The following OVCH2 variants were observed in gnomAD, a reference collection of about 807,000 sequenced individuals.
The protein encoded by OVCH2 is ovochymase-2.
Under a neutral mutation model 73.7 loss-of-function variants are expected in OVCH2, and 88 were observed. That is an observed-to-expected ratio of 1.19 (90% CI 1.01 to 1.43). OVCH2 has a LOEUF of 1.43. Among genes scored for constraint, OVCH2 ranks in the 40% most tolerant of loss-of-function variants. OVCH2 has a pLI of 0.00. For missense variants in OVCH2, 706 were observed against 674.5 expected, an observed-to-expected ratio of 1.05 and a Z score of -0.52; for synonymous variants, 265 against 234.5, an observed-to-expected ratio of 1.13 and a Z score of -1.19.
At chr11:7,685,548 G>T (rs1856132846), downstream of OVCH2, among the ~76,000 whole-genome samples, 1 of 150,686 alleles carries the variant, frequency 6.6e-6, no homozygotes, top group South Asian at 2.1e-4. Context: ...TTTTCCTTAG[G>T]TTGTCTTCCA....
chr11:7,700,690 C>G (rs956814041), intron 6 of OVCH2, among the ~76,000 whole-genome samples: 3 of 152,220 alleles, frequency 2.0e-5, no homozygotes, highest in African/African-American at 7.2e-5. Flanking sequence ...TCCCACCTCC[C>G]TTTTCCTCAT....
rs374617194 is a variant in OVCH2 at position 7,696,594 on chromosome 11, A to G, written c.1017-5T>C. 3 of 1,614,010 alleles carry G rather than the reference A, an allele frequency of 1.9e-6. No individual in the cohort carries two copies. The highest frequency in any genetic ancestry group is 2.5e-6 in the Non-Finnish European group (3 of 1,179,888). The stretch of plus-strand genomic sequence containing the variant: ...AGCAGGGTCCAGACACACCGTCTGT[A>G]GGCAGATCATGGAGAGGGCGTTATT... On this transcript the variant is annotated splice_region_variant and splice_polypyrimidine_tract_variant and intron_variant, in intron 9 of 15. Coordinates refer to ENST00000533663, the MANE Select transcript of OVCH2 (RefSeq NM_198185.7).
Position 7,701,700 on chromosome 11 carries a change from G to A in OVCH2, c.559+16C>T. ...TTCTGACCTCTGCTTAAGAGGAATG[G>A]CACACAAGTTCTTACCTTCAGTTAA... On this transcript the variant is annotated intron_variant, in intron 5 of 15. Coordinates refer to ENST00000533663, the MANE Select transcript of OVCH2 (RefSeq NM_198185.7). 1 of 1,603,442 alleles carries A rather than the reference G, an allele frequency of 6.2e-7. No homozygotes were observed. Among genetic ancestry groups the A allele is most frequent in the South Asian group, 1.1e-5 (1 of 89,290 alleles).
At chr11:7,690,180 G>A (rs1192309474) in intron 14 of OVCH2, among the ~76,000 whole-genome samples, 167 bp from the exon 15 acceptor site, 2 of 152,176 alleles carry the variant, frequency 1.3e-5, no homozygotes, top group Non-Finnish European at 2.9e-5. Context: ...CTATAACCTG[G>A]CTTTGCCATC....
chr11:7,680,539 G>C, the OVCH2 span, among the ~76,000 whole-genome samples: 1 of 152,158 alleles, frequency 6.6e-6, no homozygotes. Context: ...AGAAGGCAGT[G>C]CCATAACAGA....
In OVCH2 at chr11:7,692,473, GCTGGCT is replaced by G. The variant is rs1856240760; in HGVS notation, c.1414-484_1414-479del. 3.3e-5 allele frequency among the ~76,000 whole-genome samples: 5 copies of G among 152,320 alleles called. No individual in the cohort carries two copies. The South Asian group carries it at 1.0e-3, about 32-fold the overall frequency. On this transcript the variant is annotated intron_variant, in intron 12 of 15. Transcript: ENST00000533663. ...GTGTCTTTCTACCCAGCGGGATATA[GCTGGCT>G]CCTCTTCTCACCTGCTTTGTCCTGT... is the stretch of plus-strand genomic sequence containing the variant.
At chr11:7,690,729 C>T (rs905358981) in intron 14 of OVCH2, among the ~76,000 whole-genome samples, 14 of 152,000 alleles carry the variant, frequency 9.2e-5, no homozygotes, top group Admixed American at 4.6e-4. Flanking sequence ...TTGCTTCAGC[C>T]GTCATCCTAT....
intron 1 of OVCH2, 94 bp downstream of exon 1, chr11:7,706,213 A>T: frequency 7.8e-7 from 1 of 1,283,016 alleles, no homozygotes; most frequent in Non-Finnish European, 1.1e-6. Flanking sequence ...TGCTTCTCCT[A>T]TTTTCCCAAA....
chr11:7,697,115 C>T lies in OVCH2; in HGVS notation c.926-316G>A, dbSNP rs746964217. ...GCAGTGGCACGATCACAGCTTACTG[C>T]AACCTCAACCTCCTGGGCTCAGGCA... On this transcript the variant is annotated intron_variant, in intron 8 of 15. Coordinates refer to ENST00000533663, the MANE Select transcript of OVCH2 (RefSeq NM_198185.7). 80 of 333,524 alleles carry T rather than the reference C, an allele frequency of 2.4e-4. 1 individual carries two copies. Among genetic ancestry groups the T allele is most frequent in the Middle Eastern group, 8.6e-4 (1 of 1,162 alleles). 20.7% of individuals were successfully genotyped at this position (333,524 alleles called of 1,614,324 possible). A position where few individuals can be genotyped will look rare whatever the true frequency, so the allele number is the denominator to read the frequency against.
intron 1 of OVCH2, 195 bp downstream of exon 1, chr11:7,706,112 T>A (rs994725772): frequency 1.7e-5 from 9 of 527,602 alleles, no homozygotes; most frequent in African/African-American, 1.4e-4. Context: ...TTAGTTGCAT[T>A]CTATAAATGT....
the OVCH2 span, among the ~76,000 whole-genome samples, chr11:7,681,725 C>T: frequency 4.6e-5 from 7 of 151,224 alleles, no homozygotes; most frequent in Non-Finnish European, 1.0e-4. Flanking sequence ...GCTGTGGAGA[C>T]AACCAGGAGT....
intron 14 of OVCH2, among the ~76,000 whole-genome samples, chr11:7,690,557 C>A (rs4132547): frequency 0.18 from 27,326 of 151,920 alleles, 2,675 homozygotes; most frequent in African/African-American, 0.26. Flanking sequence ...TGTGAACTCC[C>A]TATACGTGAA....
At chr11:7,696,854 C>A (rs368394443) in intron 8 of OVCH2, 55 bp from the exon 9 acceptor site, 5 of 1,509,164 alleles carry the variant, frequency 3.3e-6, no homozygotes, top group East Asian at 2.4e-5. Context: ...ACCACAGCAG[C>A]CCCTCCCTCC....
At chr11:7,696,632 A>T (rs1391174801) in intron 9 of OVCH2, 43 bp from the exon 10 acceptor site, 7 of 1,613,930 alleles carry the variant, frequency 4.3e-6, no homozygotes, top group Non-Finnish European at 5.9e-6. Context: ...TAGACAGAAA[A>T]CGACTATCAC....
At chr11:7,702,433 TG>T in intron 3 of OVCH2, 104 bp from the exon 4 acceptor site, 1 of 886,042 alleles carries the variant, frequency 1.1e-6, no homozygotes, top group Non-Finnish European at 1.6e-6. Flanking sequence ...ATAAATAATA[TG>T]GGGTGTGAGG....
intron 12 of OVCH2, among the ~76,000 whole-genome samples, chr11:7,694,061 A>G (rs369768516): frequency 6.6e-6 from 1 of 152,074 alleles, no homozygotes; most frequent in Non-Finnish European, 1.5e-5. Flanking sequence ...AGTTCTTTCC[A>G]TCTCTTAAGT....
chr11:7,679,614 G>A, the OVCH2 span, among the ~76,000 whole-genome samples: 1 of 152,182 alleles, frequency 6.6e-6, no homozygotes, highest in Admixed American at 6.5e-5. Flanking sequence ...CCTCTGACAT[G>A]ATTGTAAGTT....
At chr11:7,703,016 G>A (rs1298082866) in intron 3 of OVCH2, among the ~76,000 whole-genome samples, 1 of 152,070 alleles carries the variant, frequency 6.6e-6, no homozygotes, top group Non-Finnish European at 1.5e-5. Flanking sequence ...TGAGATGATC[G>A]GTTGACTCTT....
Position 7,700,366 on chromosome 11 carries a change from A to G in OVCH2, c.831T>C (p.Asp277=), listed in dbSNP as rs1347637037. The G allele has an allele frequency of 2.5e-6, 4 of 1,613,716 alleles. No homozygotes were observed. Among genetic ancestry groups the G allele is most frequent in the East Asian group, 2.2e-5 (1 of 44,858 alleles). Residue 277 remains aspartate, a synonymous_variant, in exon 7 of 16, where the codon GAT becomes GAC. Transcript: ENST00000533663. ...CTGTGAAGATCCCAGGGGATCCTTG[A>G]TCACTTTTCCTCACATTGTTTCTCC... The part of the protein sequence containing the change: ...RGWRNNVRKS[D]QGSPGIFTDI...
Sources: gnomAD v4.1 joint callset for allele counts (sites outside exome capture counted in the v4.1 genomes callset) on GRCh38, gnomAD v4.1.1 for gene constraint, MANE v1.5 for transcripts, NCBI Gene and HGNC (gene_info 2026-07-23, HGNC 2026-07-21) for gene names.